Variants in NSUN6 observed in about 807,000 individuals in gnomAD.
The protein encoded by NSUN6 is NOP2/Sun RNA methyltransferase 6.
NSUN6 carries 64 observed loss-of-function variants against 58.0 expected under a neutral mutation model. The observed-to-expected ratio is 1.10, with a 90% CI of 0.90 to 1.36. The LOEUF (loss-of-function observed/expected upper bound fraction) is 1.36. Ranked by LOEUF, NSUN6 falls within the 40% of genes most tolerant of loss-of-function variation. The pLI, the probability that NSUN6 is intolerant of heterozygous loss-of-function variation, is 0.00. For missense variants in NSUN6, 701 were observed against 550.1 expected (o/e 1.27, Z -2.74); for synonymous variants, 231 against 193.9 (o/e 1.19, Z -1.59).
At chr10:18,653,446 A>C, upstream of NSUN6, 4 of 288,972 alleles carry the variant, frequency 1.4e-5, no homozygotes, top group Non-Finnish European at 2.1e-5. Flanking sequence ...ATCTCAGCTC[A>C]CTGCAACCTC....
At chr10:18,577,147 G>A (rs1031686112) in intron 8 of NSUN6, among the ~76,000 whole-genome samples, 29 of 152,154 alleles carry the variant, frequency 1.9e-4, no homozygotes, top group Non-Finnish European at 3.7e-4. Flanking sequence ...GAGCAATTAG[G>A]GGCTACTAGC....
chr10:18,648,022 A>C (rs926300188), intron 2 of NSUN6, among the ~76,000 whole-genome samples: 3 of 152,194 alleles, frequency 2.0e-5, no homozygotes, highest in Non-Finnish European at 2.9e-5. Flanking sequence ...TACAGGCATG[A>C]GCCACCACGC....
At chr10:18,650,433 T>A (rs532633985) in intron 1 of NSUN6, among the ~76,000 whole-genome samples, 17 of 152,304 alleles carry the variant, frequency 1.1e-4, no homozygotes, top group African/African-American at 3.8e-4. Context: ...ACGTTTAATA[T>A]CCTAAAACAA....
intron 1 of NSUN6, among the ~76,000 whole-genome samples, chr10:18,649,784 G>A (rs923827590): frequency 2.0e-5 from 3 of 152,256 alleles, no homozygotes; most frequent in East Asian, 3.9e-4. Context: ...ATAAAACGAC[G>A]TTCTCCATTT....
At chr10:18,649,879 A>G (rs2059654669) in intron 1 of NSUN6, among the ~76,000 whole-genome samples, 1 of 152,190 alleles carries the variant, frequency 6.6e-6, no homozygotes, top group Admixed American at 6.5e-5. Context: ...TCAACAGAAT[A>G]TATTTTCTCT....
intron 3 of NSUN6, among the ~76,000 whole-genome samples, chr10:18,624,958 A>T (rs2691158): frequency 6.6e-6 from 1 of 152,188 alleles, no homozygotes; most frequent in South Asian, 2.1e-4. Flanking sequence ...ATTTCGGTAC[A>T]TGCTACGCAG....
chr10:18,619,024 C>G (rs2131375339), intron 3 of NSUN6, among the ~76,000 whole-genome samples: 1 of 152,254 alleles, frequency 6.6e-6, no homozygotes, highest in Non-Finnish European at 1.5e-5. Context: ...TGGAAGAAAA[C>G]TGTTTTTATA....
At chr10:18,594,177 C>G (rs1156548437) in intron 7 of NSUN6, among the ~76,000 whole-genome samples, 1 of 144,456 alleles carries the variant, frequency 6.9e-6, no homozygotes, top group Non-Finnish European at 1.5e-5. Flanking sequence ...ACTCCAGCCT[C>G]AGCGACAGAG....
chr10:18,567,691 C>T (rs2056065424), intron 8 of NSUN6, among the ~76,000 whole-genome samples: 1 of 150,450 alleles, frequency 6.6e-6, no homozygotes, highest in African/African-American at 2.4e-5. Context: ...ATTCCATTCT[C>T]CTTCCATTCT....
In NSUN6 at chr10:18,613,555, C is replaced by T. The variant is rs181678791; in HGVS notation, c.575+905G>A. 2.6e-5 allele frequency among the ~76,000 whole-genome samples: 4 copies of T among 152,224 alleles called. 1 individual carries two copies. The East Asian group carries it at 7.7e-4, about 29-fold the overall frequency. On this transcript the variant is annotated intron_variant, in intron 5 of 10. Transcript: ENST00000377304. ...TTAACAATGAACTAATGGAGGCAGT[C>T]AAAATATCAATTACCAATTACAGGT...
upstream of NSUN6, among the ~76,000 whole-genome samples, chr10:18,656,142 A>G (rs1422180901): frequency 1.3e-5 from 2 of 152,242 alleles, no homozygotes; most frequent in Non-Finnish European, 2.9e-5. Flanking sequence ...ACAGAAGGCG[A>G]TCATATTGAT....
chr10:18,562,418 A>AGAATGGAATGGAATGCG (rs1392192416), intron 8 of NSUN6, among the ~76,000 whole-genome samples: 2 of 150,644 alleles, frequency 1.3e-5, no homozygotes, highest in Admixed American at 6.6e-5. Context: ...AATGGAATGG[A>AGAATGGAATGGAATGCG]GAATGGAATG....
At chr10:18,575,294 A>G (rs6482529) in intron 8 of NSUN6, among the ~76,000 whole-genome samples, 92,298 of 152,010 alleles carry the variant, frequency 0.61, 28,504 homozygotes, top group East Asian at 0.97. Context: ...CCTCTCAGGT[A>G]AAGGAATCTG....
chr10:18,566,456 GCATTCCATTCCATTCTC>G (rs1339880246), intron 8 of NSUN6, among the ~76,000 whole-genome samples: 3,896 of 129,574 alleles, frequency 0.03, 96 homozygotes, highest in African/African-American at 0.069. Flanking sequence ...ATTCCATTCT[GCATTCCATTCCATTCTC>G]CATTCCATTC....
Position 18,557,126 on chromosome 10 carries a change from G to A in NSUN6, c.923-5155C>T, listed in dbSNP as rs146462812. Among the ~76,000 whole-genome samples the A allele has an allele frequency of 3.9e-3, 594 of 151,216 alleles. 5 individuals are homozygous for A. The highest frequency in any genetic ancestry group is 0.013 in the African/African-American group (542 of 41,370). ...AGTGTGCAGAATGGAATGGAAAGTA[G>A]AGAATGGAATGGAATGGGGAATGGA... is the stretch of plus-strand genomic sequence containing the variant. On this transcript the variant is annotated intron_variant, in intron 8 of 10. Coordinates refer to ENST00000377304, the MANE Select transcript of NSUN6 (RefSeq NM_182543.5).
chr10:18,590,433 C>A (rs972284214), intron 7 of NSUN6, among the ~76,000 whole-genome samples: 1 of 152,156 alleles, frequency 6.6e-6, no homozygotes, highest in African/African-American at 2.4e-5. Flanking sequence ...AACTCTCTAC[C>A]CCACATCAAC....
intron 9 of NSUN6, among the ~76,000 whole-genome samples, chr10:18,551,293 G>GTGTGTGTGTGTGT (rs1554848038): frequency 1.3e-4 from 7 of 54,058 alleles, no homozygotes; most frequent in East Asian, 1.9e-3. Flanking sequence ...TGTGTGTGTG[G>GTGTGTGTGTGTGT]TAAAATATAA....
chr10:18,557,348 T>C (rs1240225752), intron 8 of NSUN6, among the ~76,000 whole-genome samples: 2 of 147,008 alleles, frequency 1.4e-5, no homozygotes, highest in Non-Finnish European at 1.5e-5. Flanking sequence ...CAGAATGGAA[T>C]GGAGGATGGT....
chr10:18,581,654 G>A (rs1032257152), intron 8 of NSUN6, among the ~76,000 whole-genome samples: 3 of 152,030 alleles, frequency 2.0e-5, no homozygotes, highest in Non-Finnish European at 4.4e-5. Context: ...GTGAAACCCC[G>A]TCTCCACTGA....
Sources: gnomAD v4.1 joint callset for allele counts (sites outside exome capture counted in the v4.1 genomes callset) on GRCh38, gnomAD v4.1.1 for gene constraint, MANE v1.5 for transcripts, NCBI Gene and HGNC (gene_info 2026-07-23, HGNC 2026-07-21) for gene names.